C19orf47: variants seen among roughly 807,000 people sequenced by gnomAD.
The protein encoded by C19orf47 is chromosome 19 open reading frame 47, also known as uncharacterized protein C19orf47.
Under a neutral mutation model 32.3 loss-of-function variants are expected in C19orf47, and 18 were observed. The observed-to-expected ratio is 0.56, with a 90% CI of 0.39 to 0.83. The LOEUF is 0.83. Ranked by LOEUF, C19orf47 falls within the 40% of genes least tolerant of loss-of-function variation. The pLI is 0.00. For missense variants in C19orf47, 484 were observed against 531.6 expected (o/e 0.91, Z 0.88); for synonymous variants, 202 against 211.1 (o/e 0.96, Z 0.37).
downstream of C19orf47, among the ~76,000 whole-genome samples, chr19:40,315,189 G>C (rs1253687433): frequency 6.6e-6 from 1 of 152,130 alleles, no homozygotes; most frequent in Non-Finnish European, 1.5e-5. Flanking sequence ...AAGGCAATCT[G>C]AATAAACTAT....
intron 4 of C19orf47, 126 bp from the exon 5 acceptor site, chr19:40,334,055 C>T: frequency 1.6e-6 from 1 of 624,000 alleles, no homozygotes; most frequent in South Asian, 2.5e-5. Context: ...TCACTCCTAA[C>T]CATAAGAAAG....
Position 40,342,107 on chromosome 19 carries a change from G to A in C19orf47, c.-33-217C>T, listed in dbSNP as rs539808398. 3.4e-3 allele frequency: 3,217 copies of A among 956,516 alleles called. 5 individuals are homozygous for A. The highest frequency in any genetic ancestry group is 3.8e-3 in the Non-Finnish European group (3,049 of 803,632). 59.3% of individuals were successfully genotyped at this position (956,516 alleles called of 1,614,324 possible). Reference sequence around the variant, plus strand: ...GAGACAAGGCCCAGGGACAGCAAATGTCCACAGCTCCATTCACACACACCC... The same window carrying A: ...GAGACAAGGCCCAGGGACAGCAAATATCCACAGCTCCATTCACACACACCC... On this transcript the variant is annotated intron_variant, in intron 1 of 8. Transcript: ENST00000683109.
the C19orf47 span, chr19:40,299,387 C>A: frequency 6.6e-6 from 1 of 152,160 alleles, no homozygotes; most frequent in Non-Finnish European, 1.5e-5. Context: ...AATAATCACT[C>A]TGGTAACCAG....
chr19:40,305,673 C>T, the C19orf47 span, among the ~76,000 whole-genome samples: 3 of 151,610 alleles, frequency 2.0e-5, no homozygotes, highest in African/African-American at 7.3e-5. Context: ...CAGGGTGTCT[C>T]GGAAAAGATA....
intron 4 of C19orf47, among the ~76,000 whole-genome samples, chr19:40,335,534 C>T (rs1314428759): frequency 6.6e-6 from 1 of 152,044 alleles, no homozygotes; most frequent in Non-Finnish European, 1.5e-5. Context: ...TGGCCTGAGC[C>T]CAGGAGTTCG....
In C19orf47 at chr19:40,333,250, T is replaced by C. The variant is rs1430187968; in HGVS notation, c.301+601A>G. ...TCCAGCCTGGGCAACAGAGACTCCA[T>C]CTCAAAATAAATAAATAAATAAGAA... On this transcript the variant is annotated intron_variant, in intron 5 of 8. Transcript: ENST00000683109. Among the ~76,000 whole-genome samples the C allele has an allele frequency of 8.1e-5, 12 of 147,576 alleles. No homozygotes were observed. In the Admixed American group the frequency reaches 8.5e-4, roughly 10 times the overall value.
At chr19:40,305,070 C>T in the C19orf47 span, among the ~76,000 whole-genome samples, 1,251 of 152,002 alleles carry the variant, frequency 8.2e-3, 8 homozygotes, top group Middle Eastern at 0.017. Flanking sequence ...AGGCCAGGCG[C>T]GGTGGCTCAT....
In C19orf47 at chr19:40,347,464, G is replaced by A. The variant is rs140270047; in HGVS notation, c.-34+860C>T. On this transcript the variant is annotated intron_variant, in intron 1 of 8. Coordinates refer to ENST00000683109, the MANE Select transcript of C19orf47 (RefSeq NM_001256441.2). The stretch of plus-strand genomic sequence containing the variant: ...GGAGAATCCCTTGAACCCAGGAAGC[G>A]GAGGTTGCGGTGAGACGAAATTGCA... Among the ~76,000 whole-genome samples, 26 of 152,142 alleles carry A rather than the reference G, an allele frequency of 1.7e-4. No individual in the cohort carries two copies. The East Asian group carries it at 5.0e-3, about 29-fold the overall frequency.
At chr19:40,348,511 C>T (rs1359492380), upstream of C19orf47, 8 of 1,488,856 alleles carry the variant, frequency 5.4e-6, no homozygotes, top group Non-Finnish European at 7.1e-6. Context: ...GCGGCCATAA[C>T]CATCACGTGA....
chr19:40,339,916 G>A (rs1412842690), intron 2 of C19orf47, among the ~76,000 whole-genome samples: 13 of 151,132 alleles, frequency 8.6e-5, no homozygotes, highest in East Asian at 3.9e-4. Context: ...CAGAGGTTGC[G>A]GTGAGCCGAG....
chr19:40,327,753 C>T (rs1213319744), intron 6 of C19orf47, among the ~76,000 whole-genome samples: 1 of 152,086 alleles, frequency 6.6e-6, no homozygotes, highest in Non-Finnish European at 1.5e-5. Context: ...TGGAGGAGGA[C>T]AGAGGCCAAC....
the C19orf47 span, among the ~76,000 whole-genome samples, chr19:40,311,758 C>T: frequency 5.8e-4 from 88 of 151,804 alleles, no homozygotes; most frequent in Non-Finnish European, 1.0e-3. Context: ...TGGGTTCAAG[C>T]GACTCTCCTG....
chr19:40,335,566 C>T (rs1054316835), intron 4 of C19orf47, among the ~76,000 whole-genome samples: 12 of 151,122 alleles, frequency 7.9e-5, no homozygotes, highest in African/African-American at 2.4e-4. Context: ...GGCAACATGG[C>T]GAGACACCGT....
chr19:40,345,520 G>C (rs557963539), intron 1 of C19orf47, among the ~76,000 whole-genome samples: 1 of 137,812 alleles, frequency 7.3e-6, no homozygotes, highest in African/African-American at 2.8e-5. Flanking sequence ...GCAATATAGC[G>C]AGACCCTGTC....
At position 40,336,401 on chromosome 19, in the gene C19orf47, G is replaced by T; in HGVS notation, c.26C>A (p.Ser9Tyr). ...TTCCTTAAAGAACTGGATCCACTCG[G>T]AAGTGGCTGTGGGGTTGGACAGGGC... is the stretch of plus-strand genomic sequence containing the variant. The part of the protein sequence containing the change: MVSVTMAT[S>Y]EWIQFFKEAG... The change falls in exon 3 of 9, where the codon TCC becomes TAC. Residue 9 changes from serine (S) to tyrosine (Y), a missense_variant. Physicochemically the swap from Ser to Tyr is moderately radical, Grantham distance 144. Around this residue, in one of 3 missense-constraint regions of C19orf47, gnomAD observed 57 missense variants for 86.9 expected, o/e 0.66. Coordinates refer to ENST00000683109, the MANE Select transcript of C19orf47 (RefSeq NM_001256441.2). 1 of 1,613,256 alleles carries T rather than the reference G, an allele frequency of 6.2e-7. No homozygotes were observed. Among genetic ancestry groups the T allele is most frequent in the Non-Finnish European group, 8.5e-7 (1 of 1,179,636 alleles).
At chr19:40,306,533 G>A in the C19orf47 span, among the ~76,000 whole-genome samples, 1 of 151,586 alleles carries the variant, frequency 6.6e-6, no homozygotes, top group African/African-American at 2.4e-5. Context: ...CTCCTGAGTA[G>A]CTGGGACTAC....
chr19:40,332,902 A>G (rs559188710), intron 5 of C19orf47, among the ~76,000 whole-genome samples: 1 of 152,294 alleles, frequency 6.6e-6, no homozygotes, highest in Non-Finnish European at 1.5e-5. Context: ...TCCTTTGCCC[A>G]GTCTACTTGA....
chr19:40,314,271 T>TA, the C19orf47 span, among the ~76,000 whole-genome samples: 1 of 151,966 alleles, frequency 6.6e-6, no homozygotes, highest in Non-Finnish European at 1.5e-5. Context: ...CTATTAAAAA[T>TA]ACAAAAATTA....
At chr19:40,313,055 T>C in the C19orf47 span, among the ~76,000 whole-genome samples, 1 of 152,168 alleles carries the variant, frequency 6.6e-6, no homozygotes, top group South Asian at 2.1e-4. Context: ...GCTAGGAGAG[T>C]AACTGCTGGG....
Sources: allele counts gnomAD v4.1 joint callset (sites outside exome capture counted in the v4.1 genomes callset), GRCh38; gene constraint gnomAD v4.1.1; regional missense constraint gnomAD v4.1.1; transcripts MANE v1.5; gene names NCBI Gene and HGNC (gene_info 2026-07-23, HGNC 2026-07-21).